The following IQGAP1 variants were observed in gnomAD, a reference collection of about 807,000 sequenced individuals.
IQGAP1 encodes ras GTPase-activating-like protein IQGAP1.
A neutral mutation model predicts 215.6 loss-of-function variants in IQGAP1; 66 were observed. The ratio of observed to expected loss-of-function variants is 0.31; its 90% confidence interval spans 0.25 to 0.38. The LOEUF (loss-of-function observed/expected upper bound fraction) is 0.38. Among genes scored for constraint, IQGAP1 ranks in the 10% least tolerant of loss-of-function variants. The pLI, the probability that IQGAP1 is intolerant of heterozygous loss-of-function variation, is 1.00. For synonymous variants in IQGAP1, 772 were observed against 728.7 expected (o/e 1.06, Z -0.96); for missense variants, 1,712 against 1,997.1 (o/e 0.86, Z 2.72).
intron 2 of IQGAP1, among the ~76,000 whole-genome samples, chr15:90,413,812 G>A (rs1242151083): frequency 6.6e-6 from 1 of 152,138 alleles, no homozygotes; most frequent in East Asian, 1.9e-4. Flanking sequence ...TTGGTGTGTT[G>A]CTAATCCTGC....
At chr15:90,428,831 T>C (rs1965262945) in intron 3 of IQGAP1, among the ~76,000 whole-genome samples, 1 of 151,958 alleles carries the variant, frequency 6.6e-6, no homozygotes, top group Non-Finnish European at 1.5e-5. Flanking sequence ...AGAGGGGATA[T>C]CTGTATATAT....
intron 35 of IQGAP1, among the ~76,000 whole-genome samples, chr15:90,493,304 C>T (rs965504752): frequency 6.6e-6 from 1 of 152,030 alleles, no homozygotes; most frequent in African/African-American, 2.4e-5. Flanking sequence ...CTGCTGGTCC[C>T]AGAATCACTT....
At chr15:90,498,208 C>T (rs1966297670) in intron 37 of IQGAP1, among the ~76,000 whole-genome samples, 1 of 152,140 alleles carries the variant, frequency 6.6e-6, no homozygotes, top group Non-Finnish European at 1.5e-5. Context: ...TCCCCTCTCC[C>T]CGCTAAAGCC....
At chr15:90,490,599 C>A (rs927004426) in intron 33 of IQGAP1, among the ~76,000 whole-genome samples, 7 of 152,088 alleles carry the variant, frequency 4.6e-5, no homozygotes, top group Non-Finnish European at 1.0e-4. Context: ...AAAGAATTAG[C>A]AAGGATTTAC....
chr15:90,439,172 G>T (rs895928820), intron 5 of IQGAP1, among the ~76,000 whole-genome samples, 160 bp from the exon 6 acceptor site: 1 of 150,912 alleles, frequency 6.6e-6, no homozygotes, highest in Non-Finnish European at 1.5e-5. Context: ...AAAAACTGAG[G>T]TAAATAGCGT....
At chr15:90,455,919 A>C (rs968621582) in intron 14 of IQGAP1, among the ~76,000 whole-genome samples, 7 of 152,218 alleles carry the variant, frequency 4.6e-5, no homozygotes, top group South Asian at 4.1e-4. Context: ...TAGAGCAATT[A>C]AAAATGAAAC....
In IQGAP1 at chr15:90,448,784, C is replaced by T. The variant is rs139938208; in HGVS notation, c.1077+48C>T. 1.2e-4 allele frequency: 162 copies of T among 1,366,644 alleles called. 2 individuals carry two copies. In the East Asian group the frequency reaches 4.0e-3, roughly 34 times the overall value. 84.7% of individuals were successfully genotyped at this position (1,366,644 alleles called of 1,614,324 possible). The stretch of plus-strand genomic sequence containing the variant: ...CTGCAAGAGTTTGTATATATCCATT[C>T]GAATCCCATGCTGTCATTTAAAGAT... On this transcript the variant is annotated intron_variant, in intron 10 of 37. Coordinates refer to ENST00000268182, the MANE Select transcript of IQGAP1 (RefSeq NM_003870.4).
At chr15:90,446,685 T>C (rs1443510577) in intron 9 of IQGAP1, among the ~76,000 whole-genome samples, 1 of 152,170 alleles carries the variant, frequency 6.6e-6, no homozygotes, top group Non-Finnish European at 1.5e-5. Flanking sequence ...AATGTAATTA[T>C]AGATAAGATT....
At position 90,494,290 on chromosome 15, in the gene IQGAP1, C is replaced by T. The variant is rs75983147; in HGVS notation, c.4629-423C>T. ...TCTGTAATTGCTGTGCTGGCTTAAA[C>T]GCTTTTAAAAAGTATTTGATGACAT... On this transcript the variant is annotated intron_variant, in intron 35 of 37. Coordinates refer to ENST00000268182, the MANE Select transcript of IQGAP1 (RefSeq NM_003870.4). 0.013 allele frequency: 1,308 copies of T among 100,380 alleles called. 38 individuals carry two copies. In the East Asian group the frequency reaches 0.17, roughly 13 times the overall value. The allele number at this position is 100,380 out of a possible 1,614,324, so 6.2% of individuals were successfully genotyped here.
chr15:90,425,782 G>C (rs1965212965), intron 2 of IQGAP1, among the ~76,000 whole-genome samples: 1 of 152,210 alleles, frequency 6.6e-6, no homozygotes, highest in Admixed American at 6.5e-5. Flanking sequence ...CTTAGGATTT[G>C]TTAAAGAGCA....
At chr15:90,483,825 T>C (rs145916923) in intron 29 of IQGAP1, among the ~76,000 whole-genome samples, 55 of 152,302 alleles carry the variant, frequency 3.6e-4, no homozygotes, top group African/African-American at 1.3e-3. Context: ...ATAAAAATAA[T>C]GATGATTATG....
At chr15:90,465,749 C>T (rs745793677) in intron 15 of IQGAP1, among the ~76,000 whole-genome samples, 13 of 151,816 alleles carry the variant, frequency 8.6e-5, no homozygotes, top group African/African-American at 1.4e-4. Flanking sequence ...AGGCTGGTCT[C>T]GAGCTCCTGG....
At chr15:90,494,680 C>T in intron 35 of IQGAP1, 33 bp from the exon 36 acceptor site, 1 of 1,576,118 alleles carries the variant, frequency 6.3e-7, no homozygotes, top group Non-Finnish European at 8.6e-7. Context: ...TAGATGGTTA[C>T]TTATAGAAAG....
intron 18 of IQGAP1, among the ~76,000 whole-genome samples, chr15:90,471,941 C>T (rs183575753): frequency 1.3e-5 from 2 of 152,140 alleles, no homozygotes; most frequent in African/African-American, 4.8e-5. Flanking sequence ...TGCCCTTGTT[C>T]AAGCCCAGGC....
In IQGAP1 at chr15:90,473,806, A is replaced by G; in HGVS notation, c.2433+8A>G. 1 of 1,612,394 alleles carries G rather than the reference A, an allele frequency of 6.2e-7. No individual in the cohort carries two copies. ...AAAGATGAAGTTGTAAAGGTATGGTAGCCTGAACAGGGTTTCTCCATGAGG... is the reference window on the plus strand; with the variant it reads ...AAAGATGAAGTTGTAAAGGTATGGTGGCCTGAACAGGGTTTCTCCATGAGG... On this transcript the variant is annotated splice_region_variant and intron_variant, in intron 20 of 37. Transcript: ENST00000268182.
intron 4 of IQGAP1, 21 bp downstream of exon 4, chr15:90,429,687 GT>G: frequency 1.3e-6 from 2 of 1,517,500 alleles, no homozygotes; most frequent in Non-Finnish European, 1.8e-6. Context: ...TGAGATAATA[GT>G]TTAGGCTTTG....
chr15:90,399,475 T>TTGACTTTC (rs879496591), intron 2 of IQGAP1, among the ~76,000 whole-genome samples: 2 of 152,202 alleles, frequency 1.3e-5, no homozygotes, highest in Non-Finnish European at 2.9e-5. Flanking sequence ...TAACATGGAC[T>TTGACTTTC]TGACTTTCTC....
intron 34 of IQGAP1, 102 bp from the exon 35 acceptor site, chr15:90,492,442 GT>G: frequency 2.2e-6 from 1 of 460,348 alleles, no homozygotes; most frequent in Non-Finnish European, 3.5e-6. Flanking sequence ...AAAAAAAAAA[GT>G]AGGTAGTCAT....
intron 33 of IQGAP1, 138 bp from the exon 34 acceptor site, chr15:90,491,194 CA>C (rs1477550905): frequency 1.5e-6 from 1 of 662,916 alleles, no homozygotes; most frequent in African/African-American, 1.8e-5. Context: ...TATCATTTGG[CA>C]GGGGGCAGAA....
Sources: allele counts gnomAD v4.1 joint callset (sites outside exome capture counted in the v4.1 genomes callset), GRCh38; gene constraint gnomAD v4.1.1; transcripts MANE v1.5; gene names NCBI Gene and HGNC (gene_info 2026-07-23, HGNC 2026-07-21).